Variants in TNIK observed in about 807,000 individuals in gnomAD.
The protein encoded by TNIK is TRAF2 and NCK-interacting protein kinase.
TNIK carries 49 observed loss-of-function variants against 191.3 expected under a neutral mutation model. The observed-to-expected ratio is 0.26, with a 90% CI of 0.20 to 0.32. The LOEUF is 0.32. Ranked by LOEUF, TNIK falls within the 10% of genes least tolerant of loss-of-function variation. TNIK has a pLI of 1.00. For missense variants in TNIK, 1,155 were observed against 1,702.3 expected (o/e 0.68, Z 5.66); for synonymous variants, 594 against 600.9 (o/e 0.99, Z 0.17).
At chr3:171,138,073 T>C (rs754927078) in intron 15 of TNIK, 118 bp downstream of exon 15, 23 of 934,944 alleles carry the variant, frequency 2.5e-5, no homozygotes, top group Non-Finnish European at 3.3e-5. Flanking sequence ...AAAGCATGTG[T>C]CTTATGATGA....
chr3:171,333,975 C>T (rs970721204), intron 2 of TNIK, among the ~76,000 whole-genome samples: 1 of 152,184 alleles, frequency 6.6e-6, no homozygotes, highest in African/African-American at 2.4e-5. Context: ...GAGAGCAAGT[C>T]TTCAAGTACC....
intron 7 of TNIK, among the ~76,000 whole-genome samples, chr3:171,182,575 G>T (rs73882631): frequency 6.6e-6 from 1 of 152,100 alleles, no homozygotes; most frequent in Non-Finnish European, 1.5e-5. Flanking sequence ...ATACCCTAGC[G>T]CTATGTGCAT....
At chr3:171,079,786 C>G (rs1720435419) in intron 27 of TNIK, 134 bp from the exon 28 acceptor site, 6 of 1,089,150 alleles carry the variant, frequency 5.5e-6, no homozygotes, top group Non-Finnish European at 7.5e-6. Context: ...AACCAGTGTC[C>G]CCAGCACTTT....
At chr3:171,270,734 C>T (rs2109187347) in intron 2 of TNIK, among the ~76,000 whole-genome samples, 1 of 152,308 alleles carries the variant, frequency 6.6e-6, no homozygotes, top group South Asian at 2.1e-4. Flanking sequence ...TTGAATCCTA[C>T]CTCTATACCA....
intron 12 of TNIK, among the ~76,000 whole-genome samples, chr3:171,150,064 G>GT (rs1453334598): frequency 6.7e-6 from 1 of 149,698 alleles, no homozygotes; most frequent in Non-Finnish European, 1.5e-5. Context: ...TGCTGCACTG[G>GT]TAAAAAACCC....
chr3:171,128,523 T>C (rs1381512606), intron 16 of TNIK, among the ~76,000 whole-genome samples, 191 bp downstream of exon 16: 1 of 152,176 alleles, frequency 6.6e-6, no homozygotes, highest in Non-Finnish European at 1.5e-5. Flanking sequence ...TTAAGGGTGA[T>C]GCTTTTTTCT....
chr3:171,153,687 A>G (rs1268683411), intron 12 of TNIK, among the ~76,000 whole-genome samples: 3 of 152,210 alleles, frequency 2.0e-5, no homozygotes, highest in South Asian at 2.1e-4. Context: ...AGACACATCA[A>G]TGGTTTCCCA....
At chr3:171,451,067 G>T (rs970906434) in intron 1 of TNIK, among the ~76,000 whole-genome samples, 7 of 152,214 alleles carry the variant, frequency 4.6e-5, no homozygotes, top group African/African-American at 1.7e-4. Flanking sequence ...GGCCCTCAGT[G>T]ACTTCTGCCT....
Position 171,431,973 on chromosome 3 carries a change from A to G in TNIK, c.57+28034T>C, listed in dbSNP as rs117234577. Among the ~76,000 whole-genome samples, 58 of 152,352 alleles carry G rather than the reference A, an allele frequency of 3.8e-4. No individual in the cohort carries two copies. The East Asian group carries it at 5.8e-3, about 15-fold the overall frequency. On this transcript the variant is annotated intron_variant, in intron 1 of 32. Transcript: ENST00000436636. ...AAATGATTGATTTTCCTTATTTTGT[A>G]TTGTATCTTGACAACTCAGAAGAAA...
intron 2 of TNIK, among the ~76,000 whole-genome samples, chr3:171,280,211 TA>T (rs893024598): frequency 3.3e-5 from 5 of 152,202 alleles, no homozygotes; most frequent in African/African-American, 1.2e-4. Flanking sequence ...GGCATGGCCT[TA>T]ACCCTTGCCT....
intron 2 of TNIK, among the ~76,000 whole-genome samples, chr3:171,273,353 G>T (rs1017078769): frequency 6.6e-6 from 1 of 152,138 alleles, no homozygotes; most frequent in African/African-American, 2.4e-5. Context: ...CTGGTGTTGG[G>T]GTGCAAGGCA....
At position 171,203,068 on chromosome 3, in the gene TNIK, T is replaced by C. The variant is rs1002275763; in HGVS notation, c.306+8048A>G. ...TTTAACTGTTCAAAGGATTCAGCTA[T>C]GAGTGGTTAATTTTTTTTTTTTCCT... On this transcript the variant is annotated intron_variant, in intron 4 of 32. Coordinates refer to ENST00000436636, the MANE Select transcript of TNIK (RefSeq NM_015028.4). Among the ~76,000 whole-genome samples the C allele has an allele frequency of 3.3e-5, 5 of 151,756 alleles. No homozygotes were observed. The East Asian group carries it at 9.6e-4, about 29-fold the overall frequency.
At chr3:171,170,751 G>A (rs1735170046) in intron 9 of TNIK, among the ~76,000 whole-genome samples, 2 of 152,142 alleles carry the variant, frequency 1.3e-5, no homozygotes, top group Non-Finnish European at 2.9e-5. Flanking sequence ...GGACTTAGGA[G>A]CAGAAATCCC....
chr3:171,157,228 A>G (rs565562721), intron 12 of TNIK, among the ~76,000 whole-genome samples: 106 of 152,340 alleles, frequency 7.0e-4, no homozygotes, highest in African/African-American at 2.4e-3. Flanking sequence ...TGGGCAAGAC[A>G]GGAAGGGGTG....
At chr3:171,316,736 G>C (rs1041113579) in intron 2 of TNIK, among the ~76,000 whole-genome samples, 4 of 151,848 alleles carry the variant, frequency 2.6e-5, no homozygotes, top group African/African-American at 9.7e-5. Context: ...AAAATATATA[G>C]GAATGGTTCA....
chr3:171,330,748 G>A (rs1263312119), intron 2 of TNIK, among the ~76,000 whole-genome samples: 1 of 152,072 alleles, frequency 6.6e-6, no homozygotes, highest in African/African-American at 2.4e-5. Flanking sequence ...ACCCCAATGA[G>A]AACCACTACT....
chr3:171,345,419 A>T (rs1712000222), intron 2 of TNIK, among the ~76,000 whole-genome samples: 1 of 151,878 alleles, frequency 6.6e-6, no homozygotes, highest in Non-Finnish European at 1.5e-5. Flanking sequence ...TGTTATTTTT[A>T]GGTGAAAACA....
chr3:171,156,540 G>C (rs779625025), intron 12 of TNIK, among the ~76,000 whole-genome samples: 1 of 152,218 alleles, frequency 6.6e-6, no homozygotes, highest in Non-Finnish European at 1.5e-5. Flanking sequence ...TTCCCCAATA[G>C]ATATGCTCTC....
At chr3:171,413,219 C>A (rs1284670766) in intron 1 of TNIK, among the ~76,000 whole-genome samples, 7 of 151,986 alleles carry the variant, frequency 4.6e-5, no homozygotes, top group African/African-American at 1.7e-4. Context: ...GTCCTTAAAT[C>A]TGATTCCAAA....
Sources: allele counts gnomAD v4.1 joint callset (sites outside exome capture counted in the v4.1 genomes callset), GRCh38; gene constraint gnomAD v4.1.1; transcripts MANE v1.5; gene names NCBI Gene and HGNC (gene_info 2026-07-23, HGNC 2026-07-21).